The following LIMD1 variants were observed in gnomAD, a reference collection of about 807,000 sequenced individuals.
The protein encoded by LIMD1 is LIM domain-containing protein 1.
In LIMD1, 23 loss-of-function variants were observed where a neutral mutation model predicts 58.4. The observed-to-expected ratio is 0.39, with a 90% CI of 0.28 to 0.56. The LOEUF (loss-of-function observed/expected upper bound fraction) is 0.56, where lower values mean the gene tolerates loss of function less well. Among genes scored for constraint, LIMD1 ranks in the 20% least tolerant of loss-of-function variants. LIMD1 has a pLI of 0.57. For synonymous variants in LIMD1, 334 were observed against 345.5 expected, an observed-to-expected ratio of 0.97 and a Z score of 0.37; for missense variants, 838 against 855.5, an observed-to-expected ratio of 0.98 and a Z score of 0.25.
intron 2 of LIMD1, among the ~76,000 whole-genome samples, chr3:45,661,875 A>G (rs1488107108): frequency 6.6e-6 from 1 of 152,182 alleles, no homozygotes; most frequent in Non-Finnish European, 1.5e-5. Context: ...CTCCTAGCTC[A>G]GCCTCCTAAG....
At chr3:45,659,804 T>C (rs1450518232) in intron 2 of LIMD1, among the ~76,000 whole-genome samples, 2 of 152,210 alleles carry the variant, frequency 1.3e-5, no homozygotes, top group Non-Finnish European at 2.9e-5. Context: ...CAAAGCTAAG[T>C]CTCAGATAAC....
At chr3:45,632,797 A>G (rs1443580577) in intron 1 of LIMD1, among the ~76,000 whole-genome samples, 1 of 152,164 alleles carries the variant, frequency 6.6e-6, no homozygotes, top group Non-Finnish European at 1.5e-5. Flanking sequence ...CCCGTCCCAA[A>G]TACTAGAGGC....
At chr3:45,600,859 T>C (rs1251687421) in intron 1 of LIMD1, among the ~76,000 whole-genome samples, 1 of 150,670 alleles carries the variant, frequency 6.6e-6, no homozygotes, top group Non-Finnish European at 1.5e-5. Flanking sequence ...AGCCCAGGAG[T>C]TTAAGACCAG....
intron 2 of LIMD1, among the ~76,000 whole-genome samples, chr3:45,657,721 G>A (rs117088682): frequency 1.3e-5 from 2 of 152,122 alleles, no homozygotes; most frequent in East Asian, 3.9e-4. Flanking sequence ...CTTACTACCT[G>A]GGTAAGCCTC....
At chr3:45,604,502 G>A (rs1049101326) in intron 1 of LIMD1, among the ~76,000 whole-genome samples, 2 of 152,186 alleles carry the variant, frequency 1.3e-5, no homozygotes, top group Admixed American at 6.5e-5. Context: ...TCAGCACTGG[G>A]TTGAGTGCTG....
At position 45,596,341 on chromosome 3, in the gene LIMD1, T is replaced by C. The variant is rs1575338990; in HGVS notation, c.1408+54T>C. 3.0e-6 allele frequency: 4 copies of C among 1,354,550 alleles called. No homozygotes were observed. The East Asian group carries it at 9.8e-5, about 33-fold the overall frequency. 83.9% of individuals were successfully genotyped at this position (1,354,550 alleles called of 1,614,324 possible). A position where few individuals can be genotyped will look rare whatever the true frequency, so the allele number is the denominator to read the frequency against. ...TGGTGGGGCGATGGGGTTCTTGAGA[T>C]TGGGGAACATGCCCCCTACCAGGGA... On this transcript the variant is annotated intron_variant, in intron 1 of 7. Coordinates refer to ENST00000273317, the MANE Select transcript of LIMD1 (RefSeq NM_014240.3).
chr3:45,671,044 A>G (rs892990399), intron 4 of LIMD1, among the ~76,000 whole-genome samples: 11 of 152,310 alleles, frequency 7.2e-5, no homozygotes, highest in African/African-American at 2.6e-4. Flanking sequence ...TAATTTAAGG[A>G]TCTCTTTCTG....
intron 2 of LIMD1, among the ~76,000 whole-genome samples, chr3:45,641,567 G>A (rs1267942578): frequency 6.0e-5 from 9 of 149,622 alleles, no homozygotes; most frequent in African/African-American, 2.2e-4. Flanking sequence ...GGTATCTGTT[G>A]GTATATACAC....
intron 2 of LIMD1, among the ~76,000 whole-genome samples, chr3:45,637,992 A>G (rs1287796238): frequency 1.3e-5 from 2 of 150,560 alleles, no homozygotes; most frequent in Non-Finnish European, 2.9e-5. Context: ...TCTTTGAGCT[A>G]TGTTGCACTC....
intron 1 of LIMD1, among the ~76,000 whole-genome samples, chr3:45,620,567 C>A (rs984783601): frequency 6.6e-6 from 1 of 152,098 alleles, no homozygotes; most frequent in East Asian, 1.9e-4. Context: ...GTGTGTGGAT[C>A]ACTTGAAGTC....
At position 45,668,147 on chromosome 3, in the gene LIMD1, C is replaced by T. The variant is rs1327397314; in HGVS notation, c.1579-147C>T. On this transcript the variant is annotated intron_variant, in intron 3 of 7. Coordinates refer to ENST00000273317, the MANE Select transcript of LIMD1 (RefSeq NM_014240.3). ...AGAGAATATTCTATGACTCAGCCCACAGCTGTGTTGTACTTGGGGATGACA... is the reference window on the plus strand; with the variant it reads ...AGAGAATATTCTATGACTCAGCCCATAGCTGTGTTGTACTTGGGGATGACA... 4 of 632,196 alleles carry T rather than the reference C, an allele frequency of 6.3e-6. No individual in the cohort carries two copies. In the African/African-American group the frequency reaches 7.3e-5, roughly 12 times the overall value. The allele number at this position is 632,196 out of a possible 1,614,324, so 39.2% of individuals were successfully genotyped here.
rs752447112 is a variant in LIMD1, at chr3:45,673,412, T to C, written c.1773-42T>C. On this transcript the variant is annotated intron_variant, in intron 5 of 7. Transcript: ENST00000273317. ...GTGCAAGTCTGACTCTGGAATTTGCTCCCAGAAGCAACATTTATTGCTGCT... is the reference window on the plus strand; with the variant it reads ...GTGCAAGTCTGACTCTGGAATTTGCCCCCAGAAGCAACATTTATTGCTGCT... 4 of 1,575,888 alleles carry C rather than the reference T, an allele frequency of 2.5e-6. No homozygotes were observed. In the Admixed American group the frequency reaches 6.7e-5, roughly 26 times the overall value.
intron 1 of LIMD1, among the ~76,000 whole-genome samples, chr3:45,602,420 C>G (rs980841148): frequency 6.6e-6 from 1 of 152,142 alleles, no homozygotes; most frequent in African/African-American, 2.4e-5. Context: ...TCCAGGGTCT[C>G]CTGTACCCAG....
intron 2 of LIMD1, among the ~76,000 whole-genome samples, chr3:45,653,963 G>A (rs1046639101): frequency 1.4e-5 from 2 of 145,100 alleles, no homozygotes; most frequent in African/African-American, 2.5e-5. Flanking sequence ...TTCTAGAAAA[G>A]CTATTTGAAG....
chr3:45,618,519 A>G (rs1701598304), intron 1 of LIMD1, among the ~76,000 whole-genome samples: 1 of 152,114 alleles, frequency 6.6e-6, no homozygotes, highest in Non-Finnish European at 1.5e-5. Context: ...AGTGTGTGGA[A>G]TGTGGGTGTC....
At chr3:45,638,327 C>T (rs1036270815) in intron 2 of LIMD1, among the ~76,000 whole-genome samples, 5 of 152,228 alleles carry the variant, frequency 3.3e-5, no homozygotes, top group Admixed American at 2.0e-4. Context: ...AGATTCAAGA[C>T]GTGCAGGTTT....
chr3:45,594,938 T>C lies in LIMD1; in HGVS notation c.59T>C (p.Met20Thr). Residue 20 changes from methionine (M) to threonine (T), a missense_variant, in exon 1 of 8, where the codon ATG becomes ACG. Coordinates refer to ENST00000273317, the MANE Select transcript of LIMD1 (RefSeq NM_014240.3). ...AGTAAATTCATCGAGGACCTGAACA[T>C]GTATGAGGCCTCTAAGGATGGGCTC... ...EASKFIEDLN[M>T]YEASKDGLFR... The C allele has an allele frequency of 1.2e-6, 2 of 1,613,182 alleles. No homozygotes were observed. Among genetic ancestry groups the C allele is most frequent in the Non-Finnish European group, 1.7e-6 (2 of 1,179,910 alleles).
intron 1 of LIMD1, among the ~76,000 whole-genome samples, chr3:45,602,104 A>G (rs779545653): frequency 3.9e-5 from 6 of 151,980 alleles, no homozygotes; most frequent in East Asian, 1.9e-4. Flanking sequence ...CACCACGCCC[A>G]GCTAATTTTT....
Position 45,596,043 on chromosome 3 carries a change from T to A in LIMD1, c.1164T>A (p.Leu388=), listed in dbSNP as rs771851519. 24 of 1,614,086 alleles carry A rather than the reference T, an allele frequency of 1.5e-5. No individual in the cohort carries two copies. In the African/African-American group the frequency reaches 2.9e-4, roughly 20 times the overall value. Residue 388 remains leucine (L), a synonymous_variant, in exon 1 of 8, where the codon CTT becomes CTA. Coordinates refer to ENST00000273317, the MANE Select transcript of LIMD1 (RefSeq NM_014240.3). ...GTCCCAAGCTCAGCCCCACCAGTCTTGTCCATCCAGTGATGTCCACCCTGC... is the reference window on the plus strand; with the variant it reads ...GTCCCAAGCTCAGCCCCACCAGTCTAGTCCATCCAGTGATGTCCACCCTGC... ...GTGPKLSPTS[L]VHPVMSTLPE...
Sources: gnomAD v4.1 joint callset for allele counts (sites outside exome capture counted in the v4.1 genomes callset) on GRCh38, gnomAD v4.1.1 for gene constraint, MANE v1.5 for transcripts, NCBI Gene and HGNC (gene_info 2026-07-23, HGNC 2026-07-21) for gene names.